RAB2A: variants seen among roughly 807,000 people sequenced by gnomAD.
The protein encoded by RAB2A is ras-related protein Rab-2A.
In RAB2A, 7 loss-of-function variants were observed where a neutral mutation model predicts 32.5. The observed-to-expected ratio is 0.22, with a 90% confidence interval of 0.12 to 0.40. The LOEUF (loss-of-function observed/expected upper bound fraction) is 0.40, where lower values mean the gene tolerates loss of function less well. RAB2A is among the 10% of genes least tolerant of loss of function. RAB2A has a pLI of 1.00. For missense variants in RAB2A, 108 were observed against 260.7 expected (o/e 0.41, Z 4.03); for synonymous variants, 79 against 85.2 (o/e 0.93, Z 0.40).
At chr8:60,613,719 T>C (rs1804400645) in intron 6 of RAB2A, among the ~76,000 whole-genome samples, 1 of 152,240 alleles carries the variant, frequency 6.6e-6, no homozygotes, top group Admixed American at 6.5e-5. Flanking sequence ...AATTTTCTTA[T>C]TTGTTTACAT....
intron 6 of RAB2A, among the ~76,000 whole-genome samples, chr8:60,606,075 G>A (rs1047916261): frequency 2.0e-5 from 3 of 152,080 alleles, no homozygotes; most frequent in African/African-American, 7.3e-5. Flanking sequence ...CTTGAATCAG[G>A]GAGGCGGAAG....
intron 1 of RAB2A, among the ~76,000 whole-genome samples, chr8:60,551,034 C>T (rs1459995798): frequency 2.6e-5 from 4 of 152,164 alleles, no homozygotes; most frequent in Admixed American, 2.6e-4. Flanking sequence ...TATTTCCTCA[C>T]CTCCTTTAAA....
At chr8:60,558,767 T>C in intron 1 of RAB2A, 85 bp from the exon 2 acceptor site, 1 of 1,128,386 alleles carries the variant, frequency 8.9e-7, no homozygotes, top group Non-Finnish European at 1.3e-6. Context: ...CCAGAAACCC[T>C]GGCTGCCTCT....
chr8:60,526,020 C>CAT (rs146162692), intron 1 of RAB2A, among the ~76,000 whole-genome samples: 11,363 of 91,786 alleles, frequency 0.12, 855 homozygotes, highest in Non-Finnish European at 0.16. Context: ...TGTGTGTGTA[C>CAT]ATATATATAT....
intron 1 of RAB2A, among the ~76,000 whole-genome samples, chr8:60,555,445 T>C (rs1226829072): frequency 3.3e-5 from 5 of 152,088 alleles, no homozygotes; most frequent in Admixed American, 2.6e-4. Context: ...AACACAACTT[T>C]TAGAATGGGA....
chr8:60,608,285 TA>T (rs1804270094), intron 6 of RAB2A, among the ~76,000 whole-genome samples: 5 of 152,166 alleles, frequency 3.3e-5, no homozygotes, highest in Non-Finnish European at 7.3e-5. Context: ...GATGACTGTA[TA>T]GGCGCCCAAA....
chr8:60,546,891 CTTTTTTTTTTT>C (rs6150606), intron 1 of RAB2A, among the ~76,000 whole-genome samples: 1,836 of 99,012 alleles, frequency 0.019, 50 homozygotes, highest in African/African-American at 0.077. Flanking sequence ...TTTTTTGGGT[CTTTTTTTTTTT>C]TTTTTTTTTT....
At chr8:60,615,029 A>G (rs1348743947) in intron 6 of RAB2A, among the ~76,000 whole-genome samples, 2 of 152,240 alleles carry the variant, frequency 1.3e-5, no homozygotes, top group Non-Finnish European at 2.9e-5. Flanking sequence ...AAACAGTGAA[A>G]TCATTGAAAC....
intron 1 of RAB2A, among the ~76,000 whole-genome samples, chr8:60,547,526 C>T (rs1468341321): frequency 1.3e-5 from 2 of 150,682 alleles, no homozygotes; most frequent in Admixed American, 1.3e-4. Flanking sequence ...GGACGGGGGG[C>T]TGACTCCCCC....
At chr8:60,557,743 C>CT (rs1201706815) in intron 1 of RAB2A, among the ~76,000 whole-genome samples, 3 of 148,404 alleles carry the variant, frequency 2.0e-5, no homozygotes, top group Non-Finnish European at 4.5e-5. Flanking sequence ...TTTTTTTTGT[C>CT]TTTTTTTGTT....
At position 60,591,890 on chromosome 8, in the gene RAB2A, A is replaced by C; in HGVS notation, c.395A>C (p.Glu132Ala). Residue 132 changes from glutamate (E) to alanine (A), a missense_variant, in exon 6 of 8, where the codon GAA (glutamate) becomes GCA (alanine). This residue lies in a region of RAB2A where 79 missense variants were observed against 199.8 expected (regional missense o/e 0.40). Transcript: ENST00000262646. ...GAATCTAGAAGAGAAGTAAAAAAAG[A>C]AGAAGGTGAAGCTTTTGCACGAGAA... The part of the protein sequence containing the change: ...DLESRREVKK[E>A]EGEAFAREHG... 1 of 1,612,554 alleles carries C rather than the reference A, an allele frequency of 6.2e-7. No individual in the cohort carries two copies. The highest frequency in any genetic ancestry group is 8.5e-7 in the Non-Finnish European group (1 of 1,178,878).
intron 6 of RAB2A, among the ~76,000 whole-genome samples, chr8:60,612,140 C>T (rs1351588979): frequency 6.6e-6 from 1 of 152,152 alleles, no homozygotes; most frequent in Non-Finnish European, 1.5e-5. Flanking sequence ...TCCCCAACCT[C>T]CCTACAGGTC....
intron 6 of RAB2A, among the ~76,000 whole-genome samples, chr8:60,605,920 G>A (rs1412516618): frequency 6.7e-6 from 1 of 150,228 alleles, no homozygotes; most frequent in Non-Finnish European, 1.5e-5. Flanking sequence ...AGGCCAAGAC[G>A]GGCAGATCAC....
chr8:60,592,427 A>T (rs2130854344), intron 6 of RAB2A, among the ~76,000 whole-genome samples: 1 of 152,284 alleles, frequency 6.6e-6, no homozygotes, highest in South Asian at 2.1e-4. Context: ...CATGGGAGGG[A>T]AACAAGGAAC....
intron 5 of RAB2A, chr8:60,591,542 T>C (rs1202152335): frequency 5.8e-6 from 1 of 172,490 alleles, no homozygotes; most frequent in African/African-American, 2.4e-5. Context: ...TTAAGCAAAA[T>C]GGCTTTCTTC....
At chr8:60,596,293 C>G (rs1245302203) in intron 6 of RAB2A, among the ~76,000 whole-genome samples, 1 of 152,122 alleles carries the variant, frequency 6.6e-6, no homozygotes, top group Non-Finnish European at 1.5e-5. Context: ...CCAAAATTGA[C>G]AAATGGGATC....
rs140114595 is a variant in RAB2A at position 60,555,848 on chromosome 8, T to G, written c.47-3004T>G. ...CCATATGATCCAGCAGTCCCACTAC[T>G]GGGTATTTATCCAAAGGAAAATAAA... is the stretch of plus-strand genomic sequence containing the variant. On this transcript the variant is annotated intron_variant, in intron 1 of 7. Transcript: ENST00000262646. Among the ~76,000 whole-genome samples, 184 of 152,340 alleles carry G rather than the reference T, an allele frequency of 1.2e-3. 2 individuals carry two copies. In the East Asian group the frequency reaches 0.033, roughly 27 times the overall value.
At chr8:60,588,165 C>T (rs1803879298) in intron 5 of RAB2A, among the ~76,000 whole-genome samples, 1 of 152,072 alleles carries the variant, frequency 6.6e-6, no homozygotes, top group Non-Finnish European at 1.5e-5. Flanking sequence ...TACTTGTAGT[C>T]CCAGCTACTC....
At chr8:60,547,529 A>G (rs1319552563) in intron 1 of RAB2A, among the ~76,000 whole-genome samples, 1 of 142,218 alleles carries the variant, frequency 7.0e-6, no homozygotes, top group Non-Finnish European at 1.5e-5. Context: ...CGGGGGGCTG[A>G]CTCCCCCCAC....
Sources: allele counts gnomAD v4.1 joint callset (sites outside exome capture counted in the v4.1 genomes callset), GRCh38; gene constraint gnomAD v4.1.1; regional missense constraint gnomAD v4.1.1; transcripts MANE v1.5; gene names NCBI Gene and HGNC (gene_info 2026-07-23, HGNC 2026-07-21).